Variants in OSBPL10 observed in about 807,000 individuals in gnomAD.
OSBPL10 encodes the protein oxysterol-binding protein-related protein 10.
A neutral mutation model predicts 81.7 loss-of-function variants in OSBPL10; 49 were observed. The observed-to-expected ratio is 0.60, with a 90% CI of 0.48 to 0.76. The LOEUF is 0.76. OSBPL10 is among the 30% of genes least tolerant of loss of function. The pLI, the probability that OSBPL10 is intolerant of heterozygous loss-of-function variation, is 0.00. For synonymous variants in OSBPL10, 419 were observed against 383.6 expected (o/e 1.09, Z -1.08); for missense variants, 923 against 987.8 (o/e 0.93, Z 0.88).
intron 5 of OSBPL10, among the ~76,000 whole-genome samples, chr3:31,739,658 G>A (rs1222293455): frequency 1.3e-5 from 2 of 152,136 alleles, no homozygotes; most frequent in Non-Finnish European, 2.9e-5. Flanking sequence ...ACAGCAAGAA[G>A]ACAGCTGTCA....
chr3:31,684,143 A>G (rs1372872485), intron 7 of OSBPL10, 29 bp from the exon 8 acceptor site: 1 of 1,604,824 alleles, frequency 6.2e-7, no homozygotes, highest in Non-Finnish European at 8.5e-7. Flanking sequence ...AAAGTCAGAC[A>G]ATCCCTGGGA....
At chr3:31,865,447 G>C (rs750219010) in intron 3 of OSBPL10, among the ~76,000 whole-genome samples, 60 of 152,268 alleles carry the variant, frequency 3.9e-4, no homozygotes, top group Non-Finnish European at 6.5e-4. Context: ...TTCATCTACT[G>C]TTTCTTAGAC....
At chr3:31,867,905 A>C (rs990836064) in intron 3 of OSBPL10, among the ~76,000 whole-genome samples, 1 of 152,188 alleles carries the variant, frequency 6.6e-6, no homozygotes, top group African/African-American at 2.4e-5. Context: ...CAGGTCCCCA[A>C]CTGAACACTC....
chr3:31,886,404 C>G (rs956284436), intron 1 of OSBPL10, among the ~76,000 whole-genome samples: 2 of 152,146 alleles, frequency 1.3e-5, no homozygotes, highest in African/African-American at 4.8e-5. Context: ...CATGAAGGCC[C>G]CTTACCTACC....
chr3:31,990,230 C>A (rs1212999594), intron 2 of OSBPL10: 1 of 1,613,984 alleles, frequency 6.2e-7, no homozygotes, highest in South Asian at 1.1e-5. Flanking sequence ...GGGCAGTCAA[C>A]ACTTATTCAC....
At chr3:32,047,456 T>C (rs1167716590) in intron 1 of OSBPL10, among the ~76,000 whole-genome samples, 1 of 152,098 alleles carries the variant, frequency 6.6e-6, no homozygotes, top group African/African-American at 2.4e-5. Context: ...AACTGAGGGG[T>C]TCTCCCCTCT....
intron 4 of OSBPL10, among the ~76,000 whole-genome samples, chr3:31,829,271 C>T (rs1700174276): frequency 6.6e-6 from 1 of 152,198 alleles, no homozygotes; most frequent in Admixed American, 6.5e-5. Flanking sequence ...CAACCAAAAC[C>T]ACCATCATTT....
chr3:31,892,360 C>G (rs558016520), intron 1 of OSBPL10, among the ~76,000 whole-genome samples: 35 of 152,228 alleles, frequency 2.3e-4, no homozygotes, highest in African/African-American at 8.4e-4. Context: ...CTAACATCAA[C>G]CAGCGGCAGG....
chr3:31,809,287 C>T (rs1174405581), intron 4 of OSBPL10, among the ~76,000 whole-genome samples: 5 of 152,140 alleles, frequency 3.3e-5, no homozygotes, highest in Admixed American at 2.0e-4. Context: ...AATAGCCTCC[C>T]TATTTACAAG....
intron 4 of OSBPL10, among the ~76,000 whole-genome samples, chr3:31,805,730 T>C (rs116254319): frequency 0.016 from 2,427 of 152,234 alleles, 41 homozygotes; most frequent in African/African-American, 0.029. Context: ...CCTCATTTAG[T>C]AGACAAAAAA....
chr3:31,997,079 T>G (rs1699096816), intron 2 of OSBPL10, among the ~76,000 whole-genome samples: 1 of 152,188 alleles, frequency 6.6e-6, no homozygotes, highest in South Asian at 2.1e-4. Context: ...ACAAGACACA[T>G]TTGAGATCAT....
At chr3:31,716,127 G>A (rs1394522263) in intron 6 of OSBPL10, among the ~76,000 whole-genome samples, 1 of 152,118 alleles carries the variant, frequency 6.6e-6, no homozygotes, top group Non-Finnish European at 1.5e-5. Context: ...CAAGTCTAGG[G>A]CCCCCCTCCA....
chr3:31,901,671 A>G (rs958135588), intron 1 of OSBPL10, among the ~76,000 whole-genome samples: 4 of 152,190 alleles, frequency 2.6e-5, no homozygotes, highest in Non-Finnish European at 4.4e-5. Flanking sequence ...CACATTCACT[A>G]GACTGCATGT....
Position 31,748,678 on chromosome 3 carries a change from C to A in OSBPL10, c.730-558G>T, listed in dbSNP as rs538249351. On this transcript the variant is annotated intron_variant, in intron 4 of 11. Coordinates refer to ENST00000396556, the MANE Select transcript of OSBPL10 (RefSeq NM_017784.5). Reference sequence around the variant, plus strand: ...AAAAAAAATGCTAAACAGGACATGACCTTCTTAACACCAGGAGAGATGTCA... The same window carrying A: ...AAAAAAAATGCTAAACAGGACATGAACTTCTTAACACCAGGAGAGATGTCA... Among the ~76,000 whole-genome samples, 135 of 148,504 alleles carry A rather than the reference C, an allele frequency of 9.1e-4. 1 individual carries two copies. Among genetic ancestry groups the A allele is most frequent in the African/African-American group, 3.2e-3 (129 of 40,690 alleles).
At chr3:31,864,713 A>AG (rs1701135020) in intron 3 of OSBPL10, among the ~76,000 whole-genome samples, 1 of 152,112 alleles carries the variant, frequency 6.6e-6, no homozygotes, top group Non-Finnish European at 1.5e-5. Context: ...GTAGAGATAG[A>AG]GGGGAAGGAA....
At chr3:31,816,186 G>A (rs1403694031) in intron 4 of OSBPL10, among the ~76,000 whole-genome samples, 2 of 152,172 alleles carry the variant, frequency 1.3e-5, no homozygotes, top group African/African-American at 2.4e-5. Flanking sequence ...GAGCGGGTAG[G>A]TCTACGTGGA....
chr3:31,948,580 T>C (rs1697770264), intron 1 of OSBPL10, among the ~76,000 whole-genome samples: 1 of 152,230 alleles, frequency 6.6e-6, no homozygotes, highest in South Asian at 2.1e-4. Flanking sequence ...ACAACTTTCC[T>C]CCAATTTTTA....
At chr3:31,740,969 C>T (rs1323243389) in intron 5 of OSBPL10, among the ~76,000 whole-genome samples, 5 of 150,636 alleles carry the variant, frequency 3.3e-5, no homozygotes, top group Non-Finnish European at 5.9e-5. Context: ...AAACAAAAAT[C>T]ATAAGGAGAC....
chr3:31,680,212 T>C (rs6774874), intron 8 of OSBPL10, among the ~76,000 whole-genome samples: 8,856 of 152,230 alleles, frequency 0.058, 859 homozygotes, highest in African/African-American at 0.2. Flanking sequence ...AAGTTTGTTT[T>C]CTCAGTGTCA....
Sources: gnomAD v4.1 joint callset for allele counts (sites outside exome capture counted in the v4.1 genomes callset) on GRCh38, gnomAD v4.1.1 for gene constraint, MANE v1.5 for transcripts, NCBI Gene and HGNC (gene_info 2026-07-23, HGNC 2026-07-21) for gene names.